ADGRF5: variants seen among roughly 807,000 people sequenced by gnomAD.
ADGRF5 encodes the protein G-protein coupled receptor 116.
Under a neutral mutation model 132.3 loss-of-function variants are expected in ADGRF5, and 75 were observed. That is an observed-to-expected ratio of 0.57 (90% CI 0.47 to 0.69). The LOEUF is 0.69. ADGRF5 is among the 30% of genes least tolerant of loss of function. ADGRF5 has a pLI of 0.00. For synonymous variants in ADGRF5, 629 were observed against 597.6 expected, an observed-to-expected ratio of 1.05 and a Z score of -0.77; for missense variants, 1,516 against 1,630.6, an observed-to-expected ratio of 0.93 and a Z score of 1.21.
At chr6:46,878,463 A>G in intron 9 of ADGRF5, 58 bp from the exon 10 acceptor site, 1 of 1,023,236 alleles carries the variant, frequency 9.8e-7, no homozygotes, top group Middle Eastern at 2.7e-4. Context: ...TTCTTAGAGG[A>G]ATGTACCGTC....
chr6:46,897,145 T>TATACACAC (rs1554206284), intron 3 of ADGRF5, among the ~76,000 whole-genome samples: 2,418 of 141,816 alleles, frequency 0.017, 66 homozygotes, highest in African/African-American at 0.059. Context: ...TGCATATATA[T>TATACACAC]ACACACACAC....
chr6:46,868,907 TGACTG>T lies in ADGRF5; in HGVS notation c.1592_1596del (p.Thr531LysfsTer16). On this transcript the variant is annotated frameshift_variant, in exon 12 of 21. Coordinates refer to ENST00000283296, the MANE Select transcript of ADGRF5 (RefSeq NM_001098518.2). LOFTEE classifies it high-confidence loss of function. ...CCATTCCACTCCCTGGTCGAGGTCT[TGACTG>T]TCAGTACTGATTCTGCTCCATCAAG... 1.9e-6 allele frequency: 3 copies of T among 1,612,460 alleles called. No individual in the cohort carries two copies. The highest frequency in any genetic ancestry group is 2.5e-6 in the Non-Finnish European group (3 of 1,178,526).
At chr6:46,954,789 C>T (rs1778658546) in exon 1 of ADGRF5, 1 of 152,326 alleles carries the variant, frequency 6.6e-6, no homozygotes, top group East Asian at 1.9e-4. Context: ...TGCTGATCTG[C>T]CCAAAACCCT....
rs558626782 is a variant in ADGRF5 at position 46,859,484 on chromosome 6, C to T, written c.2419G>A (p.Val807Ile). The change falls in exon 17 of 21, where the codon GTC becomes ATC. Residue 807 changes from valine (V) to isoleucine (I), a missense_variant. Val to Ile is a conservative substitution (Grantham distance 29). Around this residue, in one of 2 missense-constraint regions of ADGRF5, gnomAD observed 571 missense variants for 701.2 expected, o/e 0.81. Coordinates refer to ENST00000283296, the MANE Select transcript of ADGRF5 (RefSeq NM_001098518.2). ...TGTAAAACCTTCCAGGTGTTCAAGA[C>T]GGGCTTGCCAAGGATGACATTAACC... ...STVNVILGKP[V>I]LNTWKVLQQQ... 2.1e-5 allele frequency: 34 copies of T among 1,613,062 alleles called. No homozygotes were observed. In the Admixed American group the frequency reaches 2.3e-4, roughly 11 times the overall value.
rs1194027853 is a variant in ADGRF5, at chr6:46,858,168, A to G, written c.3735T>C (p.Leu1245=). 1.8e-5 allele frequency: 29 copies of G among 1,613,870 alleles called. No individual in the cohort carries two copies. Among genetic ancestry groups the G allele is most frequent in the Non-Finnish European group, 2.3e-5 (27 of 1,179,910 alleles). Residue 1245 remains leucine, a synonymous_variant, in exon 17 of 21, where the codon CTT becomes CTC. Transcript: ENST00000283296. ...GLTTVFPGTN[L]VFHIIFAILN... is the part of the protein sequence containing the mutation. ...GGATGGCAAATATGATATGGAACAC[A>G]AGGTTGGTCCCTGGGAACACAGTGG...
intron 1 of ADGRF5, among the ~76,000 whole-genome samples, chr6:46,911,558 G>A (rs1239111970): frequency 6.6e-6 from 1 of 152,118 alleles, no homozygotes; most frequent in African/African-American, 2.4e-5. Context: ...TCAATGCCCA[G>A]GCAAAGGGCT....
chr6:46,885,902 T>C (rs1359566303), intron 4 of ADGRF5, among the ~76,000 whole-genome samples: 1 of 152,252 alleles, frequency 6.6e-6, no homozygotes, highest in Non-Finnish European at 1.5e-5. Context: ...AATACAATGA[T>C]TTAAAAAACT....
intron 8 of ADGRF5, 45 bp downstream of exon 8, chr6:46,881,410 G>T (rs755640777): frequency 1.6e-5 from 24 of 1,541,992 alleles, no homozygotes; most frequent in Non-Finnish European, 1.8e-5. Context: ...CTAGGTTTAC[G>T]CATAACCATA....
At chr6:46,892,841 C>T (rs370208195) in intron 3 of ADGRF5, among the ~76,000 whole-genome samples, 18 of 152,196 alleles carry the variant, frequency 1.2e-4, no homozygotes, top group African/African-American at 4.1e-4. Context: ...AGCGTTGCTC[C>T]GCTCATCTGT....
rs147095345 is a variant in ADGRF5, at chr6:46,894,053, C to G, written c.158-5548G>C. On this transcript the variant is annotated intron_variant, in intron 3 of 20. Coordinates refer to ENST00000283296, the MANE Select transcript of ADGRF5 (RefSeq NM_001098518.2). The stretch of plus-strand genomic sequence containing the variant: ...AAGTAGATGGGTAAATTAACTTCTT[C>G]CCTGCTAACTTCACCCAGGAGAAAA... 8.7e-3 allele frequency among the ~76,000 whole-genome samples: 1,319 copies of G among 152,288 alleles called. 20 individuals are homozygous for G. The highest frequency in any genetic ancestry group is 0.029 in the African/African-American group (1,197 of 41,582).
At chr6:46,891,825 C>A (rs565271781) in intron 3 of ADGRF5, among the ~76,000 whole-genome samples, 1 of 152,272 alleles carries the variant, frequency 6.6e-6, no homozygotes, top group Admixed American at 6.5e-5. Flanking sequence ...GTGACCTTAG[C>A]AAGTTTCAGT....
rs67565937 is a variant in ADGRF5, at chr6:46,862,703, C to CTT, written c.2199+183_2199+184dup. On this transcript the variant is annotated intron_variant, in intron 15 of 20. Transcript: ENST00000283296. The stretch of plus-strand genomic sequence containing the variant: ...AGTTGTCTTAGTATTTGAATTGAGG[C>CTT]TTTTTTTTTTTTTTTTTTTTTTTTT... 2.9e-3 allele frequency among the ~76,000 whole-genome samples: 78 copies of CTT among 26,504 alleles called. 8 individuals are homozygous for CTT. Among genetic ancestry groups the CTT allele is most frequent in the African/African-American group, 6.2e-3 (38 of 6,082 alleles). The allele number at this position is 26,504 out of a possible 152,430, so 17.4% of individuals were successfully genotyped here.
intron 14 of ADGRF5, chr6:46,863,443 C>A: frequency 2.6e-6 from 1 of 391,654 alleles, no homozygotes; most frequent in South Asian, 2.0e-5. Context: ...GGGATTTAGG[C>A]ATCAGCAGGT....
At chr6:46,862,236 C>G (rs912380512) in intron 15 of ADGRF5, among the ~76,000 whole-genome samples, 2 of 152,134 alleles carry the variant, frequency 1.3e-5, no homozygotes, top group African/African-American at 2.4e-5. Flanking sequence ...ATAACCTCAC[C>G]AGTTGCATCA....
chr6:46,902,410 A>G (rs1053014407), intron 2 of ADGRF5, among the ~76,000 whole-genome samples: 1 of 152,224 alleles, frequency 6.6e-6, no homozygotes, highest in Admixed American at 6.5e-5. Context: ...TTCCAATAGG[A>G]CTAAAGCATT....
chr6:46,883,943 T>C, intron 5 of ADGRF5, 152 bp downstream of exon 5: 1 of 719,330 alleles, frequency 1.4e-6, no homozygotes, highest in Non-Finnish European at 2.3e-6. Context: ...GGTTTCACCA[T>C]GTTGGCCAGG....
At chr6:46,951,742 G>A (rs1173610446) in intron 1 of ADGRF5, among the ~76,000 whole-genome samples, 5 of 152,208 alleles carry the variant, frequency 3.3e-5, no homozygotes, top group Non-Finnish European at 7.3e-5. Context: ...CTGCTTCAAA[G>A]CAGCTCTGCA....
At chr6:46,861,036 T>A (rs1769685095) in intron 15 of ADGRF5, 142 bp from the exon 16 acceptor site, 2 of 630,422 alleles carry the variant, frequency 3.2e-6, no homozygotes, top group East Asian at 5.5e-5. Context: ...CATAAGATGA[T>A]GTGCTTATCC....
chr6:46,867,254 C>G (rs958683221), intron 12 of ADGRF5, 117 bp from the exon 13 acceptor site: 2 of 636,702 alleles, frequency 3.1e-6, no homozygotes, highest in Admixed American at 5.1e-5. Flanking sequence ...AAAGGAATAC[C>G]ACAACTTCCT....
Sources: allele counts gnomAD v4.1 joint callset (sites outside exome capture counted in the v4.1 genomes callset), GRCh38; gene constraint gnomAD v4.1.1; regional missense constraint gnomAD v4.1.1; transcripts MANE v1.5; gene names NCBI Gene and HGNC (gene_info 2026-07-23, HGNC 2026-07-21).